Variants in TMEM132D observed in about 807,000 individuals in gnomAD.
TMEM132D encodes the protein transmembrane protein 132D, also known as mature OL transmembrane protein.
In TMEM132D, 21 loss-of-function variants were observed where a neutral mutation model predicts 62.3. The ratio of observed to expected loss-of-function variants is 0.34; its 90% CI spans 0.24 to 0.49. TMEM132D has a LOEUF of 0.49. Among genes scored for constraint, TMEM132D ranks in the 20% least tolerant of loss-of-function variants. The pLI is 0.99. For missense variants in TMEM132D, 1,346 were observed against 1,402.8 expected, an observed-to-expected ratio of 0.96 and a Z score of 0.65; for synonymous variants, 621 against 575.6, an observed-to-expected ratio of 1.08 and a Z score of -1.13.
At chr12:129,271,306 C>T (rs534186512) in intron 4 of TMEM132D, among the ~76,000 whole-genome samples, 2 of 151,420 alleles carry the variant, frequency 1.3e-5, no homozygotes, top group South Asian at 2.1e-4. Flanking sequence ...AAAATCAGAA[C>T]AGAACCCTTT....
At chr12:129,606,093 C>A (rs185670412) in intron 2 of TMEM132D, among the ~76,000 whole-genome samples, 1 of 152,292 alleles carries the variant, frequency 6.6e-6, no homozygotes, top group East Asian at 1.9e-4. Flanking sequence ...ACTTTCTCTG[C>A]ACAGTGTATC....
intron 5 of TMEM132D, among the ~76,000 whole-genome samples, chr12:129,197,086 C>G (rs987221967): frequency 1.3e-5 from 2 of 152,174 alleles, no homozygotes; most frequent in Non-Finnish European, 2.9e-5. Flanking sequence ...TGATTTCTCT[C>G]ACAACAGCTC....
intron 1 of TMEM132D, among the ~76,000 whole-genome samples, chr12:129,838,744 C>A (rs1253559272): frequency 3.3e-5 from 5 of 152,044 alleles, no homozygotes; most frequent in Non-Finnish European, 1.5e-5. Context: ...CAGCGGCAAA[C>A]AAGAACACTA....
At chr12:129,324,782 C>T (rs1042214340) in intron 4 of TMEM132D, among the ~76,000 whole-genome samples, 1 of 151,998 alleles carries the variant, frequency 6.6e-6, no homozygotes, top group African/African-American at 2.4e-5. Context: ...GAGCCGAGAT[C>T]GTGCCACTGC....
chr12:129,681,261 A>G (rs1203867628), intron 2 of TMEM132D, among the ~76,000 whole-genome samples: 6 of 152,218 alleles, frequency 3.9e-5, no homozygotes, highest in Non-Finnish European at 8.8e-5. Flanking sequence ...AAAAGCTACT[A>G]TGAAACCCAG....
In TMEM132D at chr12:129,337,687, A is replaced by T. The variant is rs746576533; in HGVS notation, c.1246T>A (p.Ser416Thr). Residue 416 changes from serine to threonine, a missense_variant, in exon 4 of 9, where the codon TCC becomes ACC. Transcript: ENST00000422113. The part of the protein sequence containing the change: ...PGEITSDLGV[S>T]KIYVSPKDLI... The stretch of plus-strand genomic sequence containing the variant: ...TCCTTTGGGCTCACATAGATCTTGG[A>T]CACTCCCAAGTCAGACGTGATCTCT... 3 of 1,614,138 alleles carry T rather than the reference A, an allele frequency of 1.9e-6. No individual in the cohort carries two copies. The highest frequency in any genetic ancestry group is 2.5e-6 in the Non-Finnish European group (3 of 1,180,024).
intron 5 of TMEM132D, among the ~76,000 whole-genome samples, chr12:129,147,920 G>A (rs1271403634): frequency 1.3e-5 from 2 of 152,210 alleles, no homozygotes; most frequent in African/African-American, 4.8e-5. Flanking sequence ...ACTTTCGTGT[G>A]ATGGCTTCAA....
intron 5 of TMEM132D, among the ~76,000 whole-genome samples, chr12:129,087,815 CAA>C (rs957295293): frequency 6.6e-6 from 1 of 152,154 alleles, no homozygotes; most frequent in Admixed American, 6.5e-5. Context: ...CTGCAGAAAA[CAA>C]ATTCCAGGAG....
At chr12:129,426,861 A>C (rs948000717) in intron 3 of TMEM132D, among the ~76,000 whole-genome samples, 3 of 152,242 alleles carry the variant, frequency 2.0e-5, no homozygotes, top group Non-Finnish European at 4.4e-5. Context: ...GGCACTGTGC[A>C]TGCAGCACGC....
rs757690380 is a variant in TMEM132D at position 129,074,926 on chromosome 12, T to C, written c.2249A>G (p.Lys750Arg). Residue 750 changes from lysine (K) to arginine (R), a missense_variant, in exon 9 of 9, where the codon AAA becomes AGA. Coordinates refer to ENST00000422113, the MANE Select transcript of TMEM132D (RefSeq NM_133448.3). ...CGCAGCAATGATAGGCCACTTGAAT[T>C]TGGGGTCTTGGTGGATGGAGACTAC... ...EKVVSIHQDP[K>R]FKWPIIAAET... 1.2e-6 allele frequency: 2 copies of C among 1,614,002 alleles called. No individual in the cohort carries two copies. The highest frequency in any genetic ancestry group is 1.7e-6 in the Non-Finnish European group (2 of 1,179,998).
intron 5 of TMEM132D, among the ~76,000 whole-genome samples, chr12:129,101,173 G>A (rs1270937778): frequency 6.6e-6 from 1 of 152,144 alleles, no homozygotes; most frequent in Non-Finnish European, 1.5e-5. Flanking sequence ...AAGCTCTGTG[G>A]TGCCAGTCGG....
At chr12:129,155,959 C>A (rs1027956574) in intron 5 of TMEM132D, among the ~76,000 whole-genome samples, 7 of 152,182 alleles carry the variant, frequency 4.6e-5, no homozygotes, top group African/African-American at 1.4e-4. Flanking sequence ...TCAACCCACT[C>A]TCATGATAAC....
Position 129,372,463 on chromosome 12 carries a change from T to C in TMEM132D, c.1116-34646A>G, listed in dbSNP as rs138829877. 4.4e-3 allele frequency among the ~76,000 whole-genome samples: 662 copies of C among 151,992 alleles called. 5 individuals carry two copies. The highest frequency in any genetic ancestry group is 0.015 in the African/African-American group (627 of 41,458). The stretch of plus-strand genomic sequence containing the variant: ...GTCAGGTCAGGATCAGCAGTGGCAT[T>C]AGAGGCCACATGGTAGGAGGTGAGT... On this transcript the variant is annotated intron_variant, in intron 3 of 8. Transcript: ENST00000422113.
intron 4 of TMEM132D, among the ~76,000 whole-genome samples, chr12:129,271,738 A>C (rs1880858796): frequency 6.6e-6 from 1 of 151,668 alleles, no homozygotes; most frequent in African/African-American, 2.4e-5. Flanking sequence ...AAGGACATGA[A>C]CTCATCCTTT....
intron 2 of TMEM132D, among the ~76,000 whole-genome samples, chr12:129,660,083 G>C (rs1370021692): frequency 6.6e-6 from 1 of 152,166 alleles, no homozygotes; most frequent in Non-Finnish European, 1.5e-5. Context: ...CTGCCAGGAG[G>C]GTGATGGGAA....
intron 4 of TMEM132D, among the ~76,000 whole-genome samples, chr12:129,295,400 C>T (rs1344263390): frequency 6.6e-6 from 1 of 150,676 alleles, no homozygotes; most frequent in East Asian, 2.0e-4. Flanking sequence ...AGATTTTGGA[C>T]TTCCCTGCCT....
chr12:129,850,758 C>T (rs1873513426), intron 1 of TMEM132D, among the ~76,000 whole-genome samples: 4 of 152,206 alleles, frequency 2.6e-5, no homozygotes, highest in South Asian at 4.1e-4. Flanking sequence ...CAAGCTGAGG[C>T]TACATGTTTA....
At chr12:129,617,228 C>T (rs1878943356) in intron 2 of TMEM132D, among the ~76,000 whole-genome samples, 1 of 152,148 alleles carries the variant, frequency 6.6e-6, no homozygotes, top group Non-Finnish European at 1.5e-5. Flanking sequence ...ACTGGCTTTG[C>T]TTACAAAGGT....
intron 2 of TMEM132D, among the ~76,000 whole-genome samples, chr12:129,624,486 A>T (rs2137162129): frequency 6.6e-6 from 1 of 152,338 alleles, no homozygotes; most frequent in Middle Eastern, 3.4e-3. Context: ...TGGGACCCAG[A>T]GGAGCTTGGG....
Sources: gnomAD v4.1 joint callset for allele counts (sites outside exome capture counted in the v4.1 genomes callset) on GRCh38, gnomAD v4.1.1 for gene constraint, MANE v1.5 for transcripts, NCBI Gene and HGNC (gene_info 2026-07-23, HGNC 2026-07-21) for gene names.